CNNM1: variants seen among roughly 807,000 people sequenced by gnomAD.
CNNM1 encodes metal transporter CNNM1.
In CNNM1, 44 loss-of-function variants were observed where a neutral mutation model predicts 78.8. The observed-to-expected ratio is 0.56, with a 90% CI of 0.44 to 0.72. The LOEUF (loss-of-function observed/expected upper bound fraction) is 0.72. CNNM1 is among the 30% of genes least tolerant of loss of function. The pLI, the probability that CNNM1 is intolerant of heterozygous loss-of-function variation, is 0.00. For missense variants in CNNM1, 1,101 were observed against 1,292.2 expected, an observed-to-expected ratio of 0.85 and a Z score of 2.27; for synonymous variants, 584 against 581.5, an observed-to-expected ratio of 1.00 and a Z score of -0.06.
chr10:99,361,102 G>A (rs1299863244), intron 3 of CNNM1, 127 bp downstream of exon 3: 2 of 1,081,814 alleles, frequency 1.8e-6, no homozygotes, highest in Non-Finnish European at 2.5e-6. Flanking sequence ...CACTGTTCTA[G>A]GAAGGAGGTT....
intron 7 of CNNM1, 30 bp from the exon 8 acceptor site, chr10:99,387,790 G>C: frequency 6.5e-7 from 1 of 1,548,212 alleles, no homozygotes; most frequent in Non-Finnish European, 8.7e-7. Flanking sequence ...CTGCCTAGCT[G>C]CTCCTAAGCT....
chr10:99,357,704 A>T, intron 2 of CNNM1, 49 bp downstream of exon 2: 1 of 1,506,378 alleles, frequency 6.6e-7, no homozygotes, highest in Middle Eastern at 1.7e-4. Flanking sequence ...ATTTTCCTCC[A>T]AGACTCTCAG....
chr10:99,362,158 G>C, intron 3 of CNNM1, 69 bp from the exon 4 acceptor site: 4 of 1,441,314 alleles, frequency 2.8e-6, no homozygotes, highest in Non-Finnish European at 3.7e-6. Context: ...ACTCCTCCCA[G>C]CTGCCACTGC....
chr10:99,364,410 T>C lies in CNNM1; in HGVS notation c.2029-7T>C, dbSNP rs376443328. 1.3e-5 allele frequency: 21 copies of C among 1,604,486 alleles called. No homozygotes were observed. Among genetic ancestry groups the C allele is most frequent in the African/African-American group, 5.4e-5 (4 of 74,502 alleles). ...TTCATAGTACACTTCCTTTTTTTTT[T>C]TTCCAGGGTAAAGTGGAGGTGGAGG... On this transcript the variant is annotated splice_region_variant and splice_polypyrimidine_tract_variant and intron_variant, in intron 4 of 10. Coordinates refer to ENST00000356713, the MANE Select transcript of CNNM1 (RefSeq NM_020348.3).
In CNNM1 at chr10:99,364,399, C is replaced by G. The variant is rs76832824; in HGVS notation, c.2029-18C>G. The stretch of plus-strand genomic sequence containing the variant: ...GCTCATACACATTCATAGTACACTT[C>G]CTTTTTTTTTTTTCCAGGGTAAAGT... On this transcript the variant is annotated intron_variant, in intron 4 of 10. Coordinates refer to ENST00000356713, the MANE Select transcript of CNNM1 (RefSeq NM_020348.3). The G allele has an allele frequency of 6.5e-7, 1 of 1,544,620 alleles. No individual in the cohort carries two copies.
Position 99,330,195 on chromosome 10 carries a change from C to G in CNNM1, c.808C>G (p.Arg270Gly). The change falls in exon 1 of 11, where the codon CGC becomes GGC. Residue 270 changes from arginine (R) to glycine (G), a missense_variant. Physicochemically the swap from Arg to Gly is moderately radical, Grantham distance 125 (BLOSUM62 -2). This residue lies in a region of CNNM1 where 476 missense variants were observed against 484.5 expected (regional missense o/e 0.98). Coordinates refer to ENST00000356713, the MANE Select transcript of CNNM1 (RefSeq NM_020348.3). ...SGSAAEQEQA[R>G]RVQAVRGRGT... Reference sequence around the variant, plus strand: ...CTCGGCCGCCGAGCAGGAGCAGGCGCGCCGCGTGCAGGCCGTTCGCGGCAG... The same window carrying G: ...CTCGGCCGCCGAGCAGGAGCAGGCGGGCCGCGTGCAGGCCGTTCGCGGCAG... 2 of 1,511,028 alleles carry G rather than the reference C, an allele frequency of 1.3e-6. No individual in the cohort carries two copies. The highest frequency in any genetic ancestry group is 1.8e-6 in the Non-Finnish European group (2 of 1,134,478). 93.6% of individuals were successfully genotyped at this position (1,511,028 alleles called of 1,614,324 possible). A position where few individuals can be genotyped will look rare whatever the true frequency, so the allele number is the denominator to read the frequency against.
At chr10:99,364,874 G>A in intron 5 of CNNM1, 81 bp from the exon 6 acceptor site, 1 of 1,327,516 alleles carries the variant, frequency 7.5e-7, no homozygotes, top group Non-Finnish European at 1.1e-6. Context: ...GGTGCTGGGG[G>A]TGGATAGAAG....
At chr10:99,356,605 A>AAAGAAAAG (rs1491432735) in intron 1 of CNNM1, among the ~76,000 whole-genome samples, 23 of 56,394 alleles carry the variant, frequency 4.1e-4, no homozygotes, top group East Asian at 3.0e-3. Context: ...AGAAAGAAAG[A>AAAGAAAAG]AAAGAAAGAA....
At chr10:99,387,751 T>C (rs748868016) in intron 7 of CNNM1, 69 bp from the exon 8 acceptor site, 2 of 1,460,882 alleles carry the variant, frequency 1.4e-6, no homozygotes, top group Non-Finnish European at 1.8e-6. Context: ...CCCCCGAGCC[T>C]GGGAAGGCTG....
At chr10:99,375,599 G>T (rs1589915883) in intron 6 of CNNM1, among the ~76,000 whole-genome samples, 1 of 152,170 alleles carries the variant, frequency 6.6e-6, no homozygotes, top group Admixed American at 6.5e-5. Flanking sequence ...TACTCTTTCT[G>T]CTACATGGTT....
In CNNM1 at chr10:99,362,294, C is replaced by A; in HGVS notation, c.1926C>A (p.Asn642Lys). 6.2e-7 allele frequency: 1 copy of A among 1,613,970 alleles called. No homozygotes were observed. The highest frequency in any genetic ancestry group is 8.5e-7 in the Non-Finnish European group (1 of 1,179,850). ...KILLRLLKHP[N>K]VIQELKFDEK... is the part of the protein sequence containing the mutation. ...TGCTCCGGCTCCTGAAACATCCCAA[C>A]GTGATCCAGGAGCTGAAGTTTGATG... Residue 642 changes from asparagine (N) to lysine (K), a missense_variant, in exon 4 of 11, where the codon AAC becomes AAA. Transcript: ENST00000356713.
At chr10:99,353,779 G>A (rs963461489) in intron 1 of CNNM1, among the ~76,000 whole-genome samples, 1 of 152,220 alleles carries the variant, frequency 6.6e-6, no homozygotes, top group Admixed American at 6.5e-5. Flanking sequence ...TTGGAGGGAA[G>A]CTCAGAGGCT....
chr10:99,340,475 G>A (rs569610028), intron 1 of CNNM1, among the ~76,000 whole-genome samples: 2 of 152,052 alleles, frequency 1.3e-5, no homozygotes, highest in African/African-American at 2.4e-5. Flanking sequence ...ATCTCAATTC[G>A]ATTTTTTAGC....
rs1850592562 is a variant in CNNM1, at chr10:99,330,572, G to A, written c.1185G>A (p.Glu395=). ...RQEISTFYTR[E]KLLETLRAAD... ...AGATAAGCACCTTCTACACGCGGGAGAAGTTGCTGGAGACGTTGCGGGCCG... is the reference window on the plus strand; with the variant it reads ...AGATAAGCACCTTCTACACGCGGGAAAAGTTGCTGGAGACGTTGCGGGCCG... The change falls in exon 1 of 11, where the codon GAG becomes GAA. Residue 395 remains glutamate, a synonymous_variant. Transcript: ENST00000356713. 2 of 1,609,268 alleles carry A rather than the reference G, an allele frequency of 1.2e-6. No homozygotes were observed. Among genetic ancestry groups the A allele is most frequent in the Admixed American group, 1.7e-5 (1 of 59,068 alleles).
intron 1 of CNNM1, among the ~76,000 whole-genome samples, chr10:99,355,389 C>T (rs757649517): frequency 9.9e-5 from 15 of 152,046 alleles, no homozygotes; most frequent in Non-Finnish European, 2.1e-4. Context: ...CTAACCTGCA[C>T]GTTGTGCACA....
chr10:99,381,457 T>C (rs1452310929), intron 7 of CNNM1, among the ~76,000 whole-genome samples: 1 of 150,332 alleles, frequency 6.7e-6, no homozygotes, highest in African/African-American at 2.4e-5. Flanking sequence ...AAAAACCTCT[T>C]TAGGCCAGGC....
At chr10:99,333,629 G>A (rs2134011685) in intron 1 of CNNM1, among the ~76,000 whole-genome samples, 1 of 152,320 alleles carries the variant, frequency 6.6e-6, no homozygotes, top group South Asian at 2.1e-4. Flanking sequence ...ACAGGCATGA[G>A]CCACTGCACT....
chr10:99,372,831 G>A (rs747519995), intron 6 of CNNM1, among the ~76,000 whole-genome samples: 1 of 152,086 alleles, frequency 6.6e-6, no homozygotes, highest in African/African-American at 2.4e-5. Context: ...ACTTTCTCAC[G>A]GAGTAAAGGT....
chr10:99,384,908 A>G (rs781404444), intron 7 of CNNM1, among the ~76,000 whole-genome samples: 5 of 152,158 alleles, frequency 3.3e-5, no homozygotes, highest in Non-Finnish European at 7.4e-5. Flanking sequence ...ATCTATTAAA[A>G]ATACAAAAAA....
Sources: allele counts gnomAD v4.1 joint callset (sites outside exome capture counted in the v4.1 genomes callset), GRCh38; gene constraint gnomAD v4.1.1; regional missense constraint gnomAD v4.1.1; transcripts MANE v1.5; gene names NCBI Gene and HGNC (gene_info 2026-07-23, HGNC 2026-07-21).